The following ARHGEF10L variants were observed in gnomAD, a reference collection of about 807,000 sequenced individuals.
ARHGEF10L encodes Rho guanine nucleotide exchange factor 10 like.
Under a neutral mutation model 141.2 loss-of-function variants are expected in ARHGEF10L, and 69 were observed. The observed-to-expected ratio is 0.49, with a 90% CI of 0.40 to 0.60. ARHGEF10L has a LOEUF of 0.60. Ranked by LOEUF, ARHGEF10L falls within the 20% of genes least tolerant of loss-of-function variation. The probability of loss-of-function intolerance (pLI) is 0.00; values close to 1 mark genes in which losing one functional copy is unlikely to be tolerated. For synonymous variants in ARHGEF10L, 711 were observed against 718.5 expected (o/e 0.99, Z 0.17); for missense variants, 1,482 against 1,734.3 (o/e 0.85, Z 2.58).
intron 7 of ARHGEF10L, among the ~76,000 whole-genome samples, chr1:17,608,974 G>T (rs938923716): frequency 5.9e-5 from 9 of 152,194 alleles, no homozygotes; most frequent in African/African-American, 2.2e-4. Context: ...GTAGAGATGG[G>T]GTTTCGTCAT....
chr1:17,671,371 C>T (rs1051649965), intron 26 of ARHGEF10L, among the ~76,000 whole-genome samples: 6 of 152,182 alleles, frequency 3.9e-5, no homozygotes, highest in Admixed American at 1.3e-4. Flanking sequence ...AGGGGCTTGT[C>T]CAGAGGGTCT....
At position 17,633,148 on chromosome 1, in the gene ARHGEF10L, G is replaced by A. The variant is rs76296312; in HGVS notation, c.1730+682G>A. Among the ~76,000 whole-genome samples, 28 of 152,296 alleles carry A rather than the reference G, an allele frequency of 1.8e-4. No individual in the cohort carries two copies. In the East Asian group the frequency reaches 5.4e-3, roughly 29 times the overall value. ...GACATTCTGGGGCCTGGCTGCCTGAGGCCACGTGGGCCTGGCACTGGGGCT... is the reference window on the plus strand; with the variant it reads ...GACATTCTGGGGCCTGGCTGCCTGAAGCCACGTGGGCCTGGCACTGGGGCT... On this transcript the variant is annotated intron_variant, in intron 16 of 28. Transcript: ENST00000361221.
intron 4 of ARHGEF10L, among the ~76,000 whole-genome samples, chr1:17,600,469 G>A (rs776764836): frequency 2.0e-5 from 3 of 152,146 alleles, no homozygotes; most frequent in Non-Finnish European, 4.4e-5. Flanking sequence ...TTTCAGAGAT[G>A]TTCTGAAGAG....
At chr1:17,583,422 A>C (rs1386423334) in intron 2 of ARHGEF10L, among the ~76,000 whole-genome samples, 2 of 152,128 alleles carry the variant, frequency 1.3e-5, no homozygotes, top group South Asian at 2.1e-4. Context: ...TGGTGATAAT[A>C]ATAAGCAGAA....
Position 17,671,197 on chromosome 1 carries a change from C to T in ARHGEF10L, c.3009+6602C>T, listed in dbSNP as rs575753111. On this transcript the variant is annotated intron_variant, in intron 26 of 28. Transcript: ENST00000361221. ...CCACGGCGGAGCCGCCTGTGCAGGG[C>T]GGTCGCAGGGCCCTCGCAGGACTCT... Among the ~76,000 whole-genome samples, 199 of 152,346 alleles carry T rather than the reference C, an allele frequency of 1.3e-3. 1 individual carries two copies. The highest frequency in any genetic ancestry group is 7.3e-4 in the Non-Finnish European group (50 of 68,032).
chr1:17,569,370 T>G (rs960694731), intron 1 of ARHGEF10L, among the ~76,000 whole-genome samples: 7 of 152,166 alleles, frequency 4.6e-5, no homozygotes, highest in Non-Finnish European at 4.4e-5. Flanking sequence ...GCCAGAGCTA[T>G]CCTGGGCTGT....
In ARHGEF10L at chr1:17,603,557, C is replaced by G. The variant is rs760703114; in HGVS notation, c.399C>G (p.Asp133Glu). The G allele has an allele frequency of 6.2e-7, 1 of 1,613,642 alleles. No individual in the cohort carries two copies. Among genetic ancestry groups the G allele is most frequent in the Non-Finnish European group, 8.5e-7 (1 of 1,179,784 alleles). ...TGGAAGAGGATGTGATTTATGACGA[C>G]GTCCCCTGCGAGAGCCCAGATGCGC... Reference protein sequence around the residue: ...PALEEDVIYDDVPCESPDAHQ... With the variant: ...PALEEDVIYDEVPCESPDAHQ... Residue 133 changes from aspartate (D) to glutamate (E), a missense_variant, in exon 6 of 29, where the codon GAC becomes GAG. Asp to Glu is a conservative substitution (Grantham distance 45). Coordinates refer to ENST00000361221, the MANE Select transcript of ARHGEF10L (RefSeq NM_018125.4). This position sits in a 1 kb window ranked among gnomAD's most constrained non-coding sequence, Gnocchi z 4.8.
At chr1:17,618,268 C>T (rs1472933900) in intron 9 of ARHGEF10L, 19 of 1,361,954 alleles carry the variant, frequency 1.4e-5, no homozygotes, top group Non-Finnish European at 1.6e-5. Context: ...CCCCACCCCG[C>T]CCACAAGCCC....
chr1:17,629,602 G>A (rs2060568771), intron 15 of ARHGEF10L, among the ~76,000 whole-genome samples: 1 of 152,174 alleles, frequency 6.6e-6, no homozygotes, highest in Non-Finnish European at 1.5e-5. Flanking sequence ...GATGGGGAGG[G>A]GACAGCGCCC....
chr1:17,635,102 T>TG (rs1428223130), intron 18 of ARHGEF10L, 86 bp downstream of exon 18: 1 of 1,533,170 alleles, frequency 6.5e-7, no homozygotes. Context: ...GGCTTGGCCC[T>TG]GTCTTGGGGA....
intron 1 of ARHGEF10L, among the ~76,000 whole-genome samples, chr1:17,562,094 G>C (rs1489336247): frequency 6.6e-6 from 1 of 152,124 alleles, no homozygotes; most frequent in Non-Finnish European, 1.5e-5. Flanking sequence ...AGCCATTGCA[G>C]GTGGAGCAGC....
At chr1:17,560,258 G>A (rs140323041) in intron 1 of ARHGEF10L, among the ~76,000 whole-genome samples, 2 of 152,270 alleles carry the variant, frequency 1.3e-5, no homozygotes, top group African/African-American at 4.8e-5. Flanking sequence ...AGGCCAGCTC[G>A]GTTTACACAG....
intron 27 of ARHGEF10L, among the ~76,000 whole-genome samples, chr1:17,692,551 C>T (rs1016298767): frequency 6.6e-6 from 1 of 152,194 alleles, no homozygotes; most frequent in Non-Finnish European, 1.5e-5. Flanking sequence ...CTCCCAGCAG[C>T]TCTGTCGCTC....
In ARHGEF10L at chr1:17,603,580, C is replaced by G. The variant is rs201428137; in HGVS notation, c.422C>G (p.Ala141Gly). The G allele has an allele frequency of 1.2e-6, 2 of 1,612,554 alleles. No individual in the cohort carries two copies. The highest frequency in any genetic ancestry group is 1.1e-5 in the South Asian group (1 of 90,578). ...GACGTCCCCTGCGAGAGCCCAGATG[C>G]GCATCAGCCCGGTATGATGTCTGCA... The part of the protein sequence containing the change: ...YDDVPCESPD[A>G]HQPGAERNLL... The change falls in exon 6 of 29, where the codon GCG becomes GGG. Residue 141 changes from alanine to glycine, a missense_variant. Physicochemically the swap from Ala to Gly is moderately conservative, Grantham distance 60. This residue lies in a region of ARHGEF10L where 232 missense variants were observed against 225.9 expected (regional missense o/e 1.03). Coordinates refer to ENST00000361221, the MANE Select transcript of ARHGEF10L (RefSeq NM_018125.4). This position sits in a 1 kb window ranked among gnomAD's most constrained non-coding sequence, Gnocchi z 4.8.
chr1:17,685,871 C>A (rs188214674), intron 26 of ARHGEF10L, among the ~76,000 whole-genome samples: 22 of 152,344 alleles, frequency 1.4e-4, no homozygotes, highest in Admixed American at 1.4e-3. Context: ...CAGGTTGGAT[C>A]TCAAATAAAT....
chr1:17,656,181 G>C lies in ARHGEF10L; in HGVS notation c.2705+79G>C. 4 of 1,436,410 alleles carry C rather than the reference G, an allele frequency of 2.8e-6. No homozygotes were observed. The highest frequency in any genetic ancestry group is 3.8e-6 in the Non-Finnish European group (4 of 1,058,882). 89.0% of individuals were successfully genotyped at this position (1,436,410 alleles called of 1,614,324 possible). On this transcript the variant is annotated intron_variant, in intron 24 of 28. Transcript: ENST00000361221. This position sits in a 1 kb window ranked among gnomAD's most constrained non-coding sequence, Gnocchi z 4.9. ...GTGGGGGCTGTCCCTGTAGCCTTCC[G>C]GATCTGCCTGTTGCCCACCAACATT... is the stretch of plus-strand genomic sequence containing the variant.
intron 3 of ARHGEF10L, 68 bp from the exon 4 acceptor site, chr1:17,588,378 G>C (rs1035245617): frequency 6.3e-7 from 1 of 1,579,068 alleles, no homozygotes; most frequent in Admixed American, 1.7e-5. Flanking sequence ...GGAAAGGGGC[G>C]GGGAAGGCCT....
At chr1:17,664,118 G>T (rs2062816206) in intron 25 of ARHGEF10L, among the ~76,000 whole-genome samples, 1 of 152,200 alleles carries the variant, frequency 6.6e-6, no homozygotes, top group Admixed American at 6.5e-5. Context: ...CATGGCATGG[G>T]TGGAGTAGGT....
At chr1:17,567,159 T>A (rs2077790531) in intron 1 of ARHGEF10L, among the ~76,000 whole-genome samples, 1 of 152,208 alleles carries the variant, frequency 6.6e-6, no homozygotes, top group Admixed American at 6.5e-5. Flanking sequence ...CAGGTGGCCA[T>A]CCGTGCATCC....
Sources: allele counts gnomAD v4.1 joint callset (sites outside exome capture counted in the v4.1 genomes callset), GRCh38; gene constraint gnomAD v4.1.1; regional missense constraint gnomAD v4.1.1; non-coding constraint Gnocchi (gnomAD v3.1); transcripts MANE v1.5; gene names NCBI Gene and HGNC (gene_info 2026-07-23, HGNC 2026-07-21).